SHMT1: variants seen among roughly 807,000 people sequenced by gnomAD.
The protein encoded by SHMT1 is serine hydroxymethyltransferase, cytosolic.
SHMT1 carries 45 observed loss-of-function variants against 49.0 expected under a neutral mutation model. The ratio of observed to expected loss-of-function variants is 0.92; its 90% CI spans 0.72 to 1.18. SHMT1 has a LOEUF of 1.18. Among genes scored for constraint, SHMT1 ranks in the 50% most tolerant of loss-of-function variants. SHMT1 has a pLI of 0.00. For missense variants in SHMT1, 541 were observed against 612.4 expected, an observed-to-expected ratio of 0.88 and a Z score of 1.23; for synonymous variants, 232 against 246.6, an observed-to-expected ratio of 0.94 and a Z score of 0.55.
chr17:18,350,295 C>A (rs911585928), intron 3 of SHMT1, among the ~76,000 whole-genome samples: 1 of 151,990 alleles, frequency 6.6e-6, no homozygotes. Context: ...CGTGCCACTG[C>A]GCTCCAGCCT....
Position 18,348,458 on chromosome 17 carries a change from G to A in SHMT1, c.243-18C>T. 1.3e-6 allele frequency: 2 copies of A among 1,565,458 alleles called. No individual in the cohort carries two copies. Among genetic ancestry groups the A allele is most frequent in the Non-Finnish European group, 1.8e-6 (2 of 1,135,684 alleles). On this transcript the variant is annotated intron_variant, in intron 3 of 11. Coordinates refer to ENST00000316694, the MANE Select transcript of SHMT1 (RefSeq NM_004169.5). ...CATAGTATCTGTGGGAGAAGAGCAGGAGACTTAGATCCACTCAGACCCAGA... is the reference window on the plus strand; with the variant it reads ...CATAGTATCTGTGGGAGAAGAGCAGAAGACTTAGATCCACTCAGACCCAGA...
Position 18,329,403 on chromosome 17 carries a change from G to T in SHMT1, c.1172-15C>A, listed in dbSNP as rs762480800. 6.3e-7 allele frequency: 1 copy of T among 1,598,278 alleles called. No individual in the cohort carries two copies. Among genetic ancestry groups the T allele is most frequent in the South Asian group, 1.1e-5 (1 of 90,488 alleles). On this transcript the variant is annotated splice_polypyrimidine_tract_variant and intron_variant, in intron 10 of 11. Coordinates refer to ENST00000316694, the MANE Select transcript of SHMT1 (RefSeq NM_004169.5). ...GCTTCTGTCACCTACAAGATAAACG[G>T]GGCTCTGTCCCTAAGTCACATTGTC...
chr17:18,353,526 GT>G (rs1296201294), intron 3 of SHMT1, 145 bp downstream of exon 3: 1 of 860,830 alleles, frequency 1.2e-6, no homozygotes, highest in Admixed American at 1.7e-5. Flanking sequence ...GAATAAAAGA[GT>G]TCTGTCAGAG....
At chr17:18,348,673 C>A in intron 3 of SHMT1, 1 of 637,792 alleles carries the variant, frequency 1.6e-6, no homozygotes, top group Non-Finnish European at 3.0e-6. Context: ...AATATCTCAT[C>A]TATAAAAAGA....
chr17:18,353,518 A>G (rs760415286), intron 3 of SHMT1, 154 bp downstream of exon 3: 19 of 826,960 alleles, frequency 2.3e-5, no homozygotes, highest in Non-Finnish European at 4.0e-5. Context: ...CATGCTGGGA[A>G]TAAAAGAGTT....
At chr17:18,331,906 G>C (rs1278782783) in intron 9 of SHMT1, 1 of 152,220 alleles carries the variant, frequency 6.6e-6, no homozygotes, top group Non-Finnish European at 1.5e-5. Context: ...TCATAAGGAT[G>C]CAGGTATAAT....
chr17:18,339,136 G>A (rs1349091806), intron 7 of SHMT1, among the ~76,000 whole-genome samples: 3 of 150,166 alleles, frequency 2.0e-5, no homozygotes, highest in Non-Finnish European at 4.4e-5. Flanking sequence ...TGGCGCATCA[G>A]GTCTCACCAC....
chr17:18,351,944 C>T (rs540751702), intron 3 of SHMT1, among the ~76,000 whole-genome samples: 2 of 152,138 alleles, frequency 1.3e-5, no homozygotes, highest in East Asian at 3.9e-4. Context: ...CTCCTGGGCT[C>T]AAGCGATACT....
chr17:18,341,215 C>T (rs907000413), intron 5 of SHMT1: 5 of 244,908 alleles, frequency 2.0e-5, no homozygotes, highest in South Asian at 1.1e-4. Context: ...AAAGGCATAA[C>T]GATTAGGAAA....
At chr17:18,332,862 C>T (rs1983367163) in intron 9 of SHMT1, 4 of 428,128 alleles carry the variant, frequency 9.3e-6, no homozygotes, top group South Asian at 7.6e-5. Flanking sequence ...CACTACAGCC[C>T]AACCTCTCAG....
In SHMT1 at chr17:18,340,837, T is replaced by C; in HGVS notation, c.520-24A>G. 4 of 1,583,150 alleles carry C rather than the reference T, an allele frequency of 2.5e-6. No individual in the cohort carries two copies. Among genetic ancestry groups the C allele is most frequent in the Non-Finnish European group, 3.5e-6 (4 of 1,156,644 alleles). ...ACCTGTGGAATGTCAGGGAGGCAGG[T>C]TCAGGCTGCTTCCTCCAACCACACC... On this transcript the variant is annotated intron_variant, in intron 5 of 11. Coordinates refer to ENST00000316694, the MANE Select transcript of SHMT1 (RefSeq NM_004169.5). This position sits in a 1 kb window ranked among gnomAD's most constrained non-coding sequence, Gnocchi z 4.5.
Position 18,340,580 on chromosome 17 carries a change from A to G in SHMT1, c.601+152T>C. 1 of 741,252 alleles carries G rather than the reference A, an allele frequency of 1.3e-6. No individual in the cohort carries two copies. 45.9% of individuals were successfully genotyped at this position (741,252 alleles called of 1,614,324 possible). ...GCAGCAAACACACATCTGTATCCTG[A>G]AAGAAACTAATATATGTAGACCCCA... On this transcript the variant is annotated intron_variant, in intron 6 of 11. Transcript: ENST00000316694. The surrounding 1 kb of genome is among the most constrained non-coding windows in gnomAD (Gnocchi z 4.5).
chr17:18,329,508 A>C, intron 10 of SHMT1, 120 bp from the exon 11 acceptor site: 4 of 796,176 alleles, frequency 5.0e-6, no homozygotes, highest in African/African-American at 3.4e-5. Context: ...TGTCCCTAGC[A>C]AGGAGTACAA....
intron 3 of SHMT1, 124 bp downstream of exon 3, chr17:18,353,548 G>T (rs1424680045): frequency 2.0e-6 from 2 of 1,013,684 alleles, no homozygotes; most frequent in East Asian, 2.4e-5. Context: ...AGCAGGCGTG[G>T]AACAGAAATC....
At chr17:18,360,627 G>C (rs1986672796) in intron 1 of SHMT1, 2 of 152,298 alleles carry the variant, frequency 1.3e-5, no homozygotes, top group South Asian at 4.2e-4. Context: ...CTTTAGACTG[G>C]GTCAGGGAAC....
chr17:18,350,963 C>T (rs1985629236), intron 3 of SHMT1, among the ~76,000 whole-genome samples: 1 of 151,932 alleles, frequency 6.6e-6, no homozygotes, highest in South Asian at 2.1e-4. Flanking sequence ...AAACTCCTGA[C>T]CTCAGGTGAT....
At chr17:18,362,522 C>T (rs1393812406) in intron 1 of SHMT1, among the ~76,000 whole-genome samples, 1 of 152,154 alleles carries the variant, frequency 6.6e-6, no homozygotes. Flanking sequence ...CGGGGTTTCA[C>T]CATGTTGGCC....
chr17:18,356,776 T>C lies in SHMT1; in HGVS notation c.-19-776A>G, dbSNP rs568959805. Among the ~76,000 whole-genome samples, 15 of 152,172 alleles carry C rather than the reference T, an allele frequency of 9.9e-5. No homozygotes were observed. In the South Asian group the frequency reaches 3.1e-3, roughly 32 times the overall value. ...CAAAACCACCATGTGGAACTTCTGG[T>C]TCCTTTCCAAACTGCAGACGTCAGC... On this transcript the variant is annotated intron_variant, in intron 1 of 11. Transcript: ENST00000316694.
At position 18,340,008 on chromosome 17, in the gene SHMT1, T is replaced by C. The variant is rs905098833; in HGVS notation, c.814+35A>G. On this transcript the variant is annotated intron_variant, in intron 7 of 11. Coordinates refer to ENST00000316694, the MANE Select transcript of SHMT1 (RefSeq NM_004169.5). This position sits in a 1 kb window ranked among gnomAD's most constrained non-coding sequence, Gnocchi z 4.5. The stretch of plus-strand genomic sequence containing the variant: ...ACCCCCACAGGAGAAATGTAAACCA[T>C]GGTACCCATCTGTACCCAACATTCG... 1.3e-6 allele frequency: 2 copies of C among 1,586,374 alleles called. No individual in the cohort carries two copies. The highest frequency in any genetic ancestry group is 1.1e-5 in the South Asian group (1 of 90,576).
Sources: gnomAD v4.1 joint callset for allele counts (sites outside exome capture counted in the v4.1 genomes callset) on GRCh38, gnomAD v4.1.1 for gene constraint, Gnocchi (gnomAD v3.1) non-coding constraint, MANE v1.5 for transcripts, NCBI Gene and HGNC (gene_info 2026-07-23, HGNC 2026-07-21) for gene names.